Variants in MAP2K5 observed in about 807,000 individuals in gnomAD.
MAP2K5 encodes the protein mitogen-activated protein kinase kinase 5.
MAP2K5 carries 49 observed loss-of-function variants against 83.1 expected under a neutral mutation model. The ratio of observed to expected loss-of-function variants is 0.59; its 90% CI spans 0.47 to 0.75. MAP2K5 has a LOEUF of 0.75. Among genes scored for constraint, MAP2K5 ranks in the 30% least tolerant of loss-of-function variants. MAP2K5 has a pLI of 0.00. For synonymous variants in MAP2K5, 202 were observed against 191.8 expected, an observed-to-expected ratio of 1.05 and a Z score of -0.44; for missense variants, 457 against 557.5, an observed-to-expected ratio of 0.82 and a Z score of 1.82.
At chr15:67,706,109 G>A (rs930128517) in intron 16 of MAP2K5, among the ~76,000 whole-genome samples, 10 of 152,164 alleles carry the variant, frequency 6.6e-5, no homozygotes, top group African/African-American at 1.4e-4. Flanking sequence ...AGGGAGATCC[G>A]TTTAAGTAGG....
intron 19 of MAP2K5, among the ~76,000 whole-genome samples, chr15:67,751,364 A>T (rs1005025131): frequency 3.3e-5 from 5 of 152,178 alleles, no homozygotes; most frequent in African/African-American, 1.2e-4. Context: ...CTCAGGTATA[A>T]GTGACAGCTT....
rs184327445 is a variant in MAP2K5 at position 67,606,029 on chromosome 15, A to G, written c.545+5280A>G. ...TAGTTACTGTCTCTTTTTCTTGGGT[A>G]GTATGTCATATGGAAATAAAAGTAA... On this transcript the variant is annotated intron_variant, in intron 8 of 21. Transcript: ENST00000178640. 5.7e-3 allele frequency among the ~76,000 whole-genome samples: 871 copies of G among 152,344 alleles called. 3 individuals carry two copies. Among genetic ancestry groups the G allele is most frequent in the Non-Finnish European group, 0.01 (691 of 68,036 alleles).
chr15:67,674,456 G>A (rs1438402735), intron 13 of MAP2K5, among the ~76,000 whole-genome samples: 2 of 151,910 alleles, frequency 1.3e-5, no homozygotes, highest in Admixed American at 6.6e-5. Flanking sequence ...ACTTGTGAAT[G>A]TGTATGTTTT....
At chr15:67,761,578 A>G (rs894306219) in intron 19 of MAP2K5, among the ~76,000 whole-genome samples, 14 of 152,210 alleles carry the variant, frequency 9.2e-5, no homozygotes, top group African/African-American at 3.4e-4. Context: ...AGGAGGACAT[A>G]CAGTGTGGTG....
intron 11 of MAP2K5, among the ~76,000 whole-genome samples, chr15:67,658,251 A>G (rs1057432937): frequency 1.3e-5 from 2 of 152,102 alleles, no homozygotes; most frequent in Admixed American, 1.3e-4. Flanking sequence ...GATCTTTATA[A>G]TTTTGTGTAT....
rs1467683001 is a variant in MAP2K5 at position 67,774,991 on chromosome 15, G to A, written c.1242+2239G>A. On this transcript the variant is annotated intron_variant, in intron 21 of 21. Coordinates refer to ENST00000178640, the MANE Select transcript of MAP2K5 (RefSeq NM_145160.3). The surrounding 1 kb of genome is among the most constrained non-coding windows in gnomAD (Gnocchi z 4.9). ...TTTGGGAACTCTTATATGAACTCCAGGTGTGACCTTGACCAGCGAACACAG... is the reference window on the plus strand; with the variant it reads ...TTTGGGAACTCTTATATGAACTCCAAGTGTGACCTTGACCAGCGAACACAG... 1.3e-5 allele frequency among the ~76,000 whole-genome samples: 2 copies of A among 152,332 alleles called. No individual in the cohort carries two copies. The highest frequency in any genetic ancestry group is 3.4e-3 in the Middle Eastern group (1 of 294).
intron 12 of MAP2K5, among the ~76,000 whole-genome samples, chr15:67,659,893 C>T (rs1234884692): frequency 6.6e-6 from 1 of 152,116 alleles, no homozygotes; most frequent in East Asian, 1.9e-4. Context: ...ACAAGGCCAC[C>T]TATCTTTTCA....
rs2086597438 is a variant in MAP2K5, at chr15:67,636,135, G to A, written c.585+5208G>A. On this transcript the variant is annotated intron_variant, in intron 9 of 21. Coordinates refer to ENST00000178640, the MANE Select transcript of MAP2K5 (RefSeq NM_145160.3). This position sits in a 1 kb window ranked among gnomAD's most constrained non-coding sequence, Gnocchi z 4.7. ...GCTTTCTTGAAAGTATGAAATGACC[G>A]GGCGCCGTGGCTCATGCCTGTAATC... Among the ~76,000 whole-genome samples the A allele has an allele frequency of 6.6e-6, 1 of 152,112 alleles. No homozygotes were observed. Among genetic ancestry groups the A allele is most frequent in the Non-Finnish European group, 1.5e-5 (1 of 68,018 alleles).
intron 8 of MAP2K5, among the ~76,000 whole-genome samples, chr15:67,608,762 C>CA (rs2085839464): frequency 1.3e-5 from 2 of 152,116 alleles, no homozygotes. Flanking sequence ...GAATACTAGA[C>CA]ACAAAGGGCC....
At chr15:67,700,104 T>A (rs1252731317) in intron 15 of MAP2K5, among the ~76,000 whole-genome samples, 1 of 152,232 alleles carries the variant, frequency 6.6e-6, no homozygotes, top group African/African-American at 2.4e-5. Context: ...TTGGAAGAGA[T>A]AAGGGATATA....
At chr15:67,656,273 A>C (rs542853954) in intron 11 of MAP2K5, among the ~76,000 whole-genome samples, 1 of 152,188 alleles carries the variant, frequency 6.6e-6, no homozygotes, top group Admixed American at 6.6e-5. Flanking sequence ...AACTGCAAAA[A>C]GTTCACATGT....
chr15:67,637,383 A>G lies in MAP2K5; in HGVS notation c.585+6456A>G, dbSNP rs2086625125. ...TTGCTTTTAAGTTTTATTAGACAGT[A>G]CCAGCCCAGTGGTTAGTCTAGAACT... On this transcript the variant is annotated intron_variant, in intron 9 of 21. Transcript: ENST00000178640. This position sits in a 1 kb window ranked among gnomAD's most constrained non-coding sequence, Gnocchi z 4.5. Among the ~76,000 whole-genome samples, 1 of 152,186 alleles carries G rather than the reference A, an allele frequency of 6.6e-6. No individual in the cohort carries two copies. The highest frequency in any genetic ancestry group is 2.4e-5 in the African/African-American group (1 of 41,456).
At chr15:67,567,811 C>T (rs533833817) in intron 3 of MAP2K5, among the ~76,000 whole-genome samples, 1 of 152,154 alleles carries the variant, frequency 6.6e-6, no homozygotes, top group Non-Finnish European at 1.5e-5. Flanking sequence ...TTCTCATTTC[C>T]TCCTCTCATT....
rs769861435 is a variant in MAP2K5 at position 67,782,764 on chromosome 15, G to A, written c.1242+10012G>A. Among the ~76,000 whole-genome samples the A allele has an allele frequency of 3.7e-4, 57 of 152,286 alleles. 1 individual carries two copies. Among genetic ancestry groups the A allele is most frequent in the Admixed American group, 4.6e-4 (7 of 15,310 alleles). On this transcript the variant is annotated intron_variant, in intron 21 of 21. Transcript: ENST00000178640. This position sits in a 1 kb window ranked among gnomAD's most constrained non-coding sequence, Gnocchi z 4.9. The stretch of plus-strand genomic sequence containing the variant: ...GCTCTAACTCTGGGGAAGGCAGATC[G>A]GCAACCCTGGAATGCTGGTTTATGC...
At chr15:67,650,674 A>C (rs1466646931) in intron 11 of MAP2K5, among the ~76,000 whole-genome samples, 1 of 152,080 alleles carries the variant, frequency 6.6e-6, no homozygotes, top group Admixed American at 6.6e-5. Context: ...CAGTGTTGGA[A>C]TTATTCCACT....
intron 11 of MAP2K5, among the ~76,000 whole-genome samples, chr15:67,649,818 G>A (rs1232600935): frequency 6.6e-6 from 1 of 151,998 alleles, no homozygotes; most frequent in Non-Finnish European, 1.5e-5. Flanking sequence ...GATTGTTTTG[G>A]CCATTTTGAA....
intron 8 of MAP2K5, among the ~76,000 whole-genome samples, chr15:67,626,359 T>C (rs1268323548): frequency 6.6e-6 from 1 of 151,856 alleles, no homozygotes; most frequent in East Asian, 1.9e-4. Flanking sequence ...CTTGTCTCTA[T>C]GAAAAATACA....
chr15:67,684,735 A>G lies in MAP2K5; in HGVS notation c.848-7744A>G, dbSNP rs561450218. Among the ~76,000 whole-genome samples the G allele has an allele frequency of 2.8e-4, 42 of 152,334 alleles. No individual in the cohort carries two copies. The East Asian group carries it at 6.8e-3, about 24-fold the overall frequency. On this transcript the variant is annotated intron_variant, in intron 13 of 21. Coordinates refer to ENST00000178640, the MANE Select transcript of MAP2K5 (RefSeq NM_145160.3). The stretch of plus-strand genomic sequence containing the variant: ...TATGTCCAAGGAATTCATAGGAAAC[A>G]TGAGCATAATGAGAGAAATGGAAGA...
intron 7 of MAP2K5, among the ~76,000 whole-genome samples, chr15:67,599,358 G>A (rs1281536157): frequency 6.6e-6 from 1 of 152,232 alleles, no homozygotes; most frequent in East Asian, 1.9e-4. Context: ...ATTGGGTGCT[G>A]GATTGGCCTT....
Sources: allele counts gnomAD v4.1 joint callset (sites outside exome capture counted in the v4.1 genomes callset), GRCh38; gene constraint gnomAD v4.1.1; non-coding constraint Gnocchi (gnomAD v3.1); transcripts MANE v1.5; gene names NCBI Gene and HGNC (gene_info 2026-07-23, HGNC 2026-07-21).